The following ROBO4 variants were observed in gnomAD, a reference collection of about 807,000 sequenced individuals.
ROBO4 encodes the protein roundabout guidance receptor 4.
A neutral mutation model predicts 103.3 loss-of-function variants in ROBO4; 80 were observed. The observed-to-expected ratio is 0.77, with a 90% CI of 0.65 to 0.93. ROBO4 has a LOEUF of 0.93. Among genes scored for constraint, ROBO4 ranks in the 40% least tolerant of loss-of-function variants. ROBO4 has a pLI of 0.00. For synonymous variants in ROBO4, 504 were observed against 529.7 expected, an observed-to-expected ratio of 0.95 and a Z score of 0.67; for missense variants, 1,333 against 1,305.3, an observed-to-expected ratio of 1.02 and a Z score of -0.33.
rs766947774 is a variant in ROBO4 at position 124,893,740 on chromosome 11, G to A, written c.1505-10C>T. 6 of 1,613,892 alleles carry A rather than the reference G, an allele frequency of 3.7e-6. No homozygotes were observed. Among genetic ancestry groups the A allele is most frequent in the Non-Finnish European group, 5.1e-6 (6 of 1,179,946 alleles). ...GTATATCTGTACAGACCTGGGAGAA[G>A]GCAGGAGGAAAGCTAAATCCAGAGG... is the stretch of plus-strand genomic sequence containing the variant. On this transcript the variant is annotated splice_polypyrimidine_tract_variant and intron_variant, in intron 9 of 17. Transcript: ENST00000306534.
At position 124,897,129 on chromosome 11, in the gene ROBO4, T is replaced by C; in HGVS notation, c.203A>G (p.Asn68Ser). Residue 68 changes from asparagine to serine, a missense_variant, in exon 2 of 18, where the codon AAT (asparagine) becomes AGT (serine). By Grantham distance (46) the Asn-to-Ser change is conservative (BLOSUM62 1). Transcript: ENST00000306534. The stretch of plus-strand genomic sequence containing the variant: ...GGGCACCATGCTCAGGGGCTGCCCA[T>C]TCAGCAACCAGCGGATGGTGGGAGG... ...QPPPTIRWLLNGQPLSMVPPD... is the reference protein window; with the variant it reads ...QPPPTIRWLLSGQPLSMVPPD... The C allele has an allele frequency of 6.3e-7, 1 of 1,575,072 alleles. No individual in the cohort carries two copies. Among genetic ancestry groups the C allele is most frequent in the Non-Finnish European group, 8.6e-7 (1 of 1,158,148 alleles).
chr11:124,886,102 A>G (rs1393467890), intron 16 of ROBO4, among the ~76,000 whole-genome samples: 1 of 152,206 alleles, frequency 6.6e-6, no homozygotes, highest in Non-Finnish European at 1.5e-5. Flanking sequence ...GAGGCAGGAG[A>G]ATCTCTTGAA....
At chr11:124,896,082 G>T in intron 4 of ROBO4, 116 bp downstream of exon 4, 1 of 1,527,462 alleles carries the variant, frequency 6.5e-7, no homozygotes, top group Non-Finnish European at 8.8e-7. Flanking sequence ...CGCTACGTGA[G>T]ACCCCCAGCA....
In ROBO4 at chr11:124,891,378, GCTGT is replaced by G; in HGVS notation, c.1865_1868del (p.Asp622AlafsTer51). On this transcript the variant is annotated frameshift_variant, in exon 12 of 18. Transcript: ENST00000306534. LOFTEE classifies it high-confidence loss of function. Reference sequence around the variant, plus strand: ...AAGAGAGTCCCCTGCGGCTGCAGAGGCTGTCTGAGCTGGAACAGGGGCTGGAGAG... The same window carrying G: ...AAGAGAGTCCCCTGCGGCTGCAGAGGCTGAGCTGGAACAGGGGCTGGAGAG... 1.3e-6 allele frequency: 2 copies of G among 1,559,066 alleles called. No homozygotes were observed. The highest frequency in any genetic ancestry group is 1.7e-6 in the Non-Finnish European group (2 of 1,152,458).
At chr11:124,893,615 C>T in intron 10 of ROBO4, 73 bp downstream of exon 10, 1 of 1,380,498 alleles carries the variant, frequency 7.2e-7, no homozygotes, top group Non-Finnish European at 1.0e-6. Flanking sequence ...ACTAGTACTC[C>T]ATTCTTCTCT....
chr11:124,896,936 C>T lies in ROBO4; in HGVS notation c.396G>A (p.Val132=), dbSNP rs943999588. ...TAVSRGARLS[V]AVLREDFQIQ... is the part of the protein sequence containing the mutation. ...AGCTCCCCTCCCAGGCCTCACCAGC[C>T]ACAGACAGCCGAGCGCCTCTGCTGA... The change falls in exon 2 of 18, where the codon GTG becomes GTA. Residue 132 remains valine (V), a synonymous_variant. Transcript: ENST00000306534. 2 of 1,611,930 alleles carry T rather than the reference C, an allele frequency of 1.2e-6. No individual in the cohort carries two copies. The highest frequency in any genetic ancestry group is 1.1e-5 in the South Asian group (1 of 90,674).
At chr11:124,886,338 TATC>T (rs1158077407) in intron 16 of ROBO4, 123 bp downstream of exon 16, 1 of 760,012 alleles carries the variant, frequency 1.3e-6, no homozygotes, top group Non-Finnish European at 2.2e-6. Flanking sequence ...GCAAAGCACT[TATC>T]ATAGTGCCTG....
At position 124,891,368 on chromosome 11, in the gene ROBO4, G is replaced by A. The variant is rs759696358; in HGVS notation, c.1879C>T (p.Arg627Cys). ...PCSSSDSLCSRRGLSSPRLSL... is the reference protein window; with the variant it reads ...PCSSSDSLCSCRGLSSPRLSL... ...AAGCGGGGAGAAGAGAGTCCCCTGCGGCTGCAGAGGCTGTCTGAGCTGGAA... is the reference window on the plus strand; with the variant it reads ...AAGCGGGGAGAAGAGAGTCCCCTGCAGCTGCAGAGGCTGTCTGAGCTGGAA... Residue 627 changes from arginine to cysteine, a missense_variant, in exon 12 of 18, where the codon CGC becomes TGC. By Grantham distance (180) the Arg-to-Cys change is radical (BLOSUM62 -3). Transcript: ENST00000306534. 1.0e-5 allele frequency: 16 copies of A among 1,550,452 alleles called. No individual in the cohort carries two copies. Among genetic ancestry groups the A allele is most frequent in the Admixed American group, 1.9e-5 (1 of 51,978 alleles).
chr11:124,890,585 C>A (rs1946783398), intron 12 of ROBO4, among the ~76,000 whole-genome samples: 1 of 152,168 alleles, frequency 6.6e-6, no homozygotes, highest in African/African-American at 2.4e-5. Flanking sequence ...TCATTCTGAC[C>A]CTCTTCCTGT....
chr11:124,897,179 C>T lies in ROBO4; in HGVS notation c.153G>A (p.Met51Ile), dbSNP rs768171320. ...QLFQGPGPARMSCQASGQPPP... is the reference protein window; with the variant it reads ...QLFQGPGPARISCQASGQPPP... ...GTGGCTGGCCTGAGGCTTGGCAGCT[C>T]ATCCTGGCAGGGCCAGGGCCCTGGA... Residue 51 changes from methionine to isoleucine, a missense_variant, in exon 2 of 18, where the codon ATG becomes ATA. Transcript: ENST00000306534. 6.5e-7 allele frequency: 1 copy of T among 1,534,586 alleles called. No individual in the cohort carries two copies. The highest frequency in any genetic ancestry group is 1.3e-5 in the South Asian group (1 of 77,310).
chr11:124,897,327 C>G (rs1390814368), intron 1 of ROBO4, 66 bp from the exon 2 acceptor site: 1 of 1,167,302 alleles, frequency 8.6e-7, no homozygotes, highest in Non-Finnish European at 1.2e-6. Flanking sequence ...TGGCCCACCC[C>G]TCATCTGTCT....
intron 3 of ROBO4, 71 bp downstream of exon 3, chr11:124,896,442 G>T: frequency 1.3e-6 from 2 of 1,591,408 alleles, no homozygotes; most frequent in Non-Finnish European, 1.7e-6. Flanking sequence ...CTGGACGGCA[G>T]GTCAGTCCAT....
intron 12 of ROBO4, among the ~76,000 whole-genome samples, chr11:124,888,554 C>T (rs1946752578): frequency 6.6e-6 from 1 of 152,178 alleles, no homozygotes; most frequent in African/African-American, 2.4e-5. Flanking sequence ...GACGCAATGC[C>T]CTGCCCATAC....
chr11:124,894,012 CTGGGTTCTTGGG>C lies in ROBO4; in HGVS notation c.1340_1351del (p.Thr447_Pro450del). The C allele has an allele frequency of 6.4e-7, 1 of 1,563,618 alleles. No homozygotes were observed. Among genetic ancestry groups the C allele is most frequent in the Non-Finnish European group, 8.7e-7 (1 of 1,155,386 alleles). On this transcript the variant is annotated inframe_deletion, in exon 9 of 18. Coordinates refer to ENST00000306534, the MANE Select transcript of ROBO4 (RefSeq NM_019055.6). Reference sequence around the variant, plus strand: ...CTCCAGGGTCCAGGGACCATGCTCACTGGGTTCTTGGGTGGCTCGCTCCATGGCCTGCTCTGT... The same window carrying C: ...CTCCAGGGTCCAGGGACCATGCTCACTGGCTCGCTCCATGGCCTGCTCTGT...
rs750436287 is a variant in ROBO4, at chr11:124,887,429, C to T, written c.2127G>A (p.Leu709=). ...GPKLLSSSNE[L]VTRHLPPAPL... ...GTGCTGGAGGGAGATGACGAGTAACCAGCTCATTTGAGGAGCTGAGGAGTT... is the reference window on the plus strand; with the variant it reads ...GTGCTGGAGGGAGATGACGAGTAACTAGCTCATTTGAGGAGCTGAGGAGTT... Residue 709 remains leucine, a synonymous_variant, in exon 14 of 18, where the codon CTG becomes CTA. Coordinates refer to ENST00000306534, the MANE Select transcript of ROBO4 (RefSeq NM_019055.6). 11 of 1,613,916 alleles carry T rather than the reference C, an allele frequency of 6.8e-6. No homozygotes were observed. The South Asian group carries it at 1.1e-4, about 16-fold the overall frequency.
chr11:124,896,421 A>T, intron 3 of ROBO4, 92 bp downstream of exon 3: 1 of 1,592,104 alleles, frequency 6.3e-7, no homozygotes, highest in Non-Finnish European at 8.6e-7. Flanking sequence ...ATTCTACCGG[A>T]GGATGCGGGG....
chr11:124,891,201 C>T (rs1946791326), intron 12 of ROBO4, 98 bp downstream of exon 12: 8 of 1,386,522 alleles, frequency 5.8e-6, no homozygotes, highest in Non-Finnish European at 7.7e-6. Flanking sequence ...GTGGAGGTTG[C>T]ACGCCCCTCC....
Position 124,897,278 on chromosome 11 carries a change from G to A in ROBO4, c.71-17C>T. 2 of 1,425,880 alleles carry A rather than the reference G, an allele frequency of 1.4e-6. No homozygotes were observed. The highest frequency in any genetic ancestry group is 1.4e-5 in the African/African-American group (1 of 69,530). 88.3% of individuals were successfully genotyped at this position (1,425,880 alleles called of 1,614,324 possible). On this transcript the variant is annotated splice_polypyrimidine_tract_variant and intron_variant, in intron 1 of 17. Coordinates refer to ENST00000306534, the MANE Select transcript of ROBO4 (RefSeq NM_019055.6). Reference sequence around the variant, plus strand: ...CCATGCCTCCTGGGAGGGAAAGGGAGCAGAGCCCAGTCTGATCACCAGCAA... The same window carrying A: ...CCATGCCTCCTGGGAGGGAAAGGGAACAGAGCCCAGTCTGATCACCAGCAA...
rs750266096 is a variant in ROBO4 at position 124,895,807 on chromosome 11, G to A, written c.785C>T (p.Pro262Leu). The A allele has an allele frequency of 1.2e-6, 2 of 1,614,018 alleles. No homozygotes were observed. The highest frequency in any genetic ancestry group is 1.6e-4 in the Middle Eastern group (1 of 6,084). ...PDPAEGPKPR[P>L]AVWLSWKVSG... ...CACCTTCCAGCTGAGCCACACCGCC[G>A]GTCTAGGCTTGGGGCCCTCTGCAGG... Residue 262 changes from proline (P) to leucine (L), a missense_variant, in exon 5 of 18, where the codon CCG (proline) becomes CTG (leucine). Physicochemically the swap from Pro to Leu is moderately conservative, Grantham distance 98. Coordinates refer to ENST00000306534, the MANE Select transcript of ROBO4 (RefSeq NM_019055.6).
Sources: gnomAD v4.1 joint callset for allele counts (sites outside exome capture counted in the v4.1 genomes callset) on GRCh38, gnomAD v4.1.1 for gene constraint, MANE v1.5 for transcripts, NCBI Gene and HGNC (gene_info 2026-07-23, HGNC 2026-07-21) for gene names.